Variants in HDAC9 observed in about 807,000 individuals in gnomAD.
HDAC9 encodes the protein MEF-2 interacting transcription repressor (MITR) protein.
In HDAC9, 41 loss-of-function variants were observed where a neutral mutation model predicts 139.4. The observed-to-expected ratio is 0.29, with a 90% confidence interval of 0.23 to 0.38. The LOEUF (loss-of-function observed/expected upper bound fraction) is 0.38. Ranked by LOEUF, HDAC9 falls within the 10% of genes least tolerant of loss-of-function variation. The pLI, the probability that HDAC9 is intolerant of heterozygous loss-of-function variation, is 1.00. For missense variants in HDAC9, 1,147 were observed against 1,297.0 expected (o/e 0.88, Z 1.78); for synonymous variants, 517 against 476.2 (o/e 1.09, Z -1.12).
At chr7:18,258,365 G>A (rs556559023) in intron 2 of HDAC9, among the ~76,000 whole-genome samples, 40 of 152,170 alleles carry the variant, frequency 2.6e-4, no homozygotes, top group African/African-American at 9.4e-4. Context: ...TTGGGGAACC[G>A]GTGGTGTTTG....
At position 18,666,496 on chromosome 7, in the gene HDAC9, C is replaced by T. The variant is rs1374904898; in HGVS notation, c.1731+20C>T. ...CAACAGGTAATAGGCAAAGATTTAGCTCCAGGATTTGTAATTAAAGTCATT... is the reference window on the plus strand; with the variant it reads ...CAACAGGTAATAGGCAAAGATTTAGTTCCAGGATTTGTAATTAAAGTCATT... On this transcript the variant is annotated intron_variant, in intron 12 of 25. Coordinates refer to ENST00000686413, the MANE Select transcript of HDAC9 (RefSeq NM_178425.4). The T allele has an allele frequency of 3.7e-6, 6 of 1,600,860 alleles. No individual in the cohort carries two copies. The Admixed American group carries it at 1.0e-4, about 28-fold the overall frequency.
intron 22 of HDAC9, among the ~76,000 whole-genome samples, chr7:18,930,423 A>G (rs1024918015): frequency 5.3e-5 from 8 of 152,096 alleles, no homozygotes; most frequent in African/African-American, 1.9e-4. Flanking sequence ...CATGCCTACT[A>G]AAATTGTTAT....
intron 12 of HDAC9, among the ~76,000 whole-genome samples, chr7:18,707,352 A>T (rs1784007854): frequency 6.6e-6 from 1 of 152,230 alleles, no homozygotes; most frequent in African/African-American, 2.4e-5. Context: ...AGATTGTCCT[A>T]AGCAGAGAAG....
chr7:18,224,675 C>T (rs932423036), intron 2 of HDAC9, among the ~76,000 whole-genome samples: 1 of 152,030 alleles, frequency 6.6e-6, no homozygotes, highest in African/African-American at 2.4e-5. Context: ...CCCTGTCTCC[C>T]ATAACCAAGA....
chr7:18,632,643 A>G (rs993327981), intron 7 of HDAC9, among the ~76,000 whole-genome samples: 2 of 152,124 alleles, frequency 1.3e-5, no homozygotes, highest in Non-Finnish European at 2.9e-5. Flanking sequence ...CAATGGTGGG[A>G]AATAATATTA....
chr7:18,119,177 G>A (rs1447062354), intron 1 of HDAC9, among the ~76,000 whole-genome samples: 1 of 152,122 alleles, frequency 6.6e-6, no homozygotes, highest in African/African-American at 2.4e-5. Context: ...GTAAATGGTA[G>A]GTTACTATAA....
Position 18,732,880 on chromosome 7 carries a change from TGTGCGTATGTGTACAC to T in HDAC9, c.1909+5124_1909+5139del, listed in dbSNP as rs1562893267. ...GTGTGCGTATGTGTACACACACACG[TGTGCGTATGTGTACAC>T]ACACACGTGTGCGTATGTGTATACA... On this transcript the variant is annotated intron_variant, in intron 13 of 25. Coordinates refer to ENST00000686413, the MANE Select transcript of HDAC9 (RefSeq NM_178425.4). 1.5e-4 allele frequency among the ~76,000 whole-genome samples: 16 copies of T among 106,262 alleles called. 2 individuals are homozygous for T. The highest frequency in any genetic ancestry group is 1.4e-3 in the East Asian group (3 of 2,158). The allele number at this position is 106,262 out of a possible 152,430, so 69.7% of individuals were successfully genotyped here.
intron 1 of HDAC9, among the ~76,000 whole-genome samples, chr7:18,147,398 G>T (rs1167108239): frequency 2.0e-5 from 3 of 152,118 alleles, no homozygotes; most frequent in Non-Finnish European, 4.4e-5. Flanking sequence ...AGGTATTTTT[G>T]TCTTTTAATT....
chr7:18,778,048 A>G (rs886403218), intron 16 of HDAC9, among the ~76,000 whole-genome samples: 14 of 152,018 alleles, frequency 9.2e-5, no homozygotes, highest in African/African-American at 3.4e-4. Context: ...TGTTCAGGTC[A>G]TAGAATTAGT....
chr7:18,739,615 C>T (rs1012259678), intron 13 of HDAC9, among the ~76,000 whole-genome samples: 7 of 152,164 alleles, frequency 4.6e-5, no homozygotes, highest in African/African-American at 1.7e-4. Context: ...GCAAATATTG[C>T]AGCCTGATCC....
At chr7:18,715,428 G>T (rs968998692) in intron 12 of HDAC9, among the ~76,000 whole-genome samples, 1 of 152,050 alleles carries the variant, frequency 6.6e-6, no homozygotes, top group Admixed American at 6.6e-5. Flanking sequence ...TTTGACCCAT[G>T]CATGCTTTGG....
chr7:18,601,818 A>G (rs1834024354), intron 6 of HDAC9, among the ~76,000 whole-genome samples: 1 of 152,194 alleles, frequency 6.6e-6, no homozygotes, highest in Non-Finnish European at 1.5e-5. Flanking sequence ...AGGAAATCCT[A>G]CTTGCTTGTG....
chr7:18,335,509 A>T (rs1781519941), intron 1 of HDAC9, among the ~76,000 whole-genome samples: 1 of 151,496 alleles, frequency 6.6e-6, no homozygotes, highest in African/African-American at 2.4e-5. Context: ...GAAGGCTATT[A>T]GCTGTTTTTC....
At chr7:18,289,918 T>C (rs1327586813), upstream of HDAC9, among the ~76,000 whole-genome samples, 1 of 152,106 alleles carries the variant, frequency 6.6e-6, no homozygotes, top group Non-Finnish European at 1.5e-5. Flanking sequence ...TTTTAATTAG[T>C]AAGCTTCAGA....
intron 7 of HDAC9, among the ~76,000 whole-genome samples, chr7:18,629,714 T>C (rs917333282): frequency 1.3e-5 from 2 of 152,122 alleles, no homozygotes; most frequent in Non-Finnish European, 2.9e-5. Flanking sequence ...AAGGCATAAC[T>C]AGGGAACACC....
chr7:18,866,801 G>A (rs1054689950), intron 21 of HDAC9, among the ~76,000 whole-genome samples: 12 of 152,172 alleles, frequency 7.9e-5, no homozygotes, highest in African/African-American at 2.2e-4. Context: ...AGTGGGTAGC[G>A]TCTTATGCCG....
intron 2 of HDAC9, among the ~76,000 whole-genome samples, chr7:18,230,491 C>T (rs1435462280): frequency 6.6e-6 from 1 of 152,172 alleles, no homozygotes; most frequent in African/African-American, 2.4e-5. Context: ...TGATAAATTC[C>T]TCTTTGTTCT....
intron 1 of HDAC9, among the ~76,000 whole-genome samples, chr7:18,154,638 T>C (rs1194459898): frequency 1.3e-5 from 2 of 152,204 alleles, no homozygotes; most frequent in Non-Finnish European, 2.9e-5. Context: ...GCCTAGCTAG[T>C]GAAACATTTT....
chr7:18,977,176 GAA>G (rs1784599659), intron 25 of HDAC9, among the ~76,000 whole-genome samples: 1 of 152,092 alleles, frequency 6.6e-6, no homozygotes, highest in Admixed American at 6.6e-5. Flanking sequence ...GAGCATAAGG[GAA>G]AACTTACTTT....
Sources: gnomAD v4.1 joint callset for allele counts (sites outside exome capture counted in the v4.1 genomes callset) on GRCh38, gnomAD v4.1.1 for gene constraint, MANE v1.5 for transcripts, NCBI Gene and HGNC (gene_info 2026-07-23, HGNC 2026-07-21) for gene names.